Variants in ZNF831 observed in about 807,000 individuals in gnomAD.
The protein encoded by ZNF831 is zinc finger protein 831.
In ZNF831, 59 loss-of-function variants were observed where a neutral mutation model predicts 95.8. That is an observed-to-expected ratio of 0.62 (90% CI 0.50 to 0.77). The LOEUF (loss-of-function observed/expected upper bound fraction) is 0.77. Ranked by LOEUF, ZNF831 falls within the 30% of genes least tolerant of loss-of-function variation. The probability of loss-of-function intolerance (pLI) is 0.00; values close to 1 mark genes in which losing one functional copy is unlikely to be tolerated. For synonymous variants in ZNF831, 961 were observed against 925.5 expected (o/e 1.04, Z -0.70); for missense variants, 2,205 against 2,164.0 (o/e 1.02, Z -0.38).
intron 4 of ZNF831, among the ~76,000 whole-genome samples, chr20:59,211,049 G>GA (rs529852271): frequency 0.049 from 2,961 of 60,728 alleles, 300 homozygotes; most frequent in South Asian, 0.13. Flanking sequence ...CAAAAAAAAA[G>GA]AAAAAAAAAA....
intron 4 of ZNF831, among the ~76,000 whole-genome samples, chr20:59,216,273 A>T (rs1488445727): frequency 6.6e-6 from 1 of 152,156 alleles, no homozygotes; most frequent in Admixed American, 6.5e-5. Flanking sequence ...TAAACCACTG[A>T]ACCAATTCAG....
At chr20:59,162,182 C>T (rs574868685), upstream of ZNF831, among the ~76,000 whole-genome samples, 12 of 152,144 alleles carry the variant, frequency 7.9e-5, no homozygotes, top group Non-Finnish European at 1.5e-4. Context: ...GTTTGCAAAT[C>T]GTTTCTCCCA....
chr20:59,194,864 C>T, intron 2 of ZNF831, 107 bp downstream of exon 2: 1 of 1,397,520 alleles, frequency 7.2e-7, no homozygotes. Context: ...GTAGCATCTG[C>T]TGTTCACTGC....
intron 4 of ZNF831, among the ~76,000 whole-genome samples, chr20:59,222,946 C>T (rs1986191479): frequency 6.6e-6 from 1 of 152,158 alleles, no homozygotes; most frequent in Admixed American, 6.5e-5. Flanking sequence ...TTCTGCAAAT[C>T]GGCTGGGACC....
In ZNF831 at chr20:59,254,572, C is replaced by A. The variant is rs1230993526; in HGVS notation, c.4863C>A (p.Ile1621=). The A allele has an allele frequency of 1.2e-6, 2 of 1,614,054 alleles. No individual in the cohort carries two copies. Among genetic ancestry groups the A allele is most frequent in the Admixed American group, 3.3e-5 (2 of 60,014 alleles). ...GGAAACGTCAGGTATCTGGATTAAT[C>A]ACTCGGAAAGATTCTGTGGTTCCTT... ...DGRKRQVSGL[I]TRKDSVVPSK... Residue 1621 remains isoleucine (I), a synonymous_variant, in exon 6 of 6, where the codon ATC becomes ATA. Transcript: ENST00000371030. This position sits in a 1 kb window ranked among gnomAD's most constrained non-coding sequence, Gnocchi z 4.5.
chr20:59,221,001 A>T (rs1986037577), intron 4 of ZNF831, among the ~76,000 whole-genome samples: 1 of 152,220 alleles, frequency 6.6e-6, no homozygotes, highest in Non-Finnish European at 1.5e-5. Flanking sequence ...CAAGAACCCC[A>T]TGAAGCCTGT....
rs2146559125 is a variant in ZNF831, at chr20:59,192,066, C to T, written c.1047C>T (p.Arg349=). ...GCACCGACTCGGGGTACCTGTCGCG[C>T]TCCGACAGCGCGGAGCAGCCGCATG... ...CESTDSGYLS[R]SDSAEQPHAP... Residue 349 remains arginine, a synonymous_variant, in exon 2 of 6, where the codon CGC becomes CGT. Coordinates refer to ENST00000371030, the MANE Select transcript of ZNF831 (RefSeq NM_178457.3). This position sits in a 1 kb window ranked among gnomAD's most constrained non-coding sequence, Gnocchi z 5.2. 6.2e-7 allele frequency: 1 copy of T among 1,606,610 alleles called. No homozygotes were observed. The highest frequency in any genetic ancestry group is 8.5e-7 in the Non-Finnish European group (1 of 1,178,888).
chr20:59,192,682 A>C lies in ZNF831; in HGVS notation c.1663A>C (p.Ser555Arg). The C allele has an allele frequency of 6.4e-7, 1 of 1,563,654 alleles. No individual in the cohort carries two copies. Among genetic ancestry groups the C allele is most frequent in the East Asian group, 2.3e-5 (1 of 43,632 alleles). Reference sequence around the variant, plus strand: ...GGGACTAAGCTCGACTGACGTTCCCAGTGGGCATCCCCGGGCCCTGGTCAG... The same window carrying C: ...GGGACTAAGCTCGACTGACGTTCCCCGTGGGCATCCCCGGGCCCTGGTCAG... ...RSGLSSTDVP[S>R]GHPRALVRQA... The change falls in exon 2 of 6, where the codon AGT becomes CGT. Residue 555 changes from serine (S) to arginine (R), a missense_variant. Transcript: ENST00000371030. This position sits in a 1 kb window ranked among gnomAD's most constrained non-coding sequence, Gnocchi z 5.2.
intron 4 of ZNF831, among the ~76,000 whole-genome samples, chr20:59,227,937 C>T (rs1274370056): frequency 6.6e-6 from 1 of 152,200 alleles, no homozygotes; most frequent in Non-Finnish European, 1.5e-5. Flanking sequence ...GGAAGTTTGA[C>T]TCCAGACCCT....
chr20:59,196,904 G>A (rs867548421), intron 3 of ZNF831, among the ~76,000 whole-genome samples: 32 of 151,848 alleles, frequency 2.1e-4, no homozygotes, highest in African/African-American at 7.7e-4. Context: ...AGCCTCCTGA[G>A]TAGCTGGGAT....
chr20:59,218,944 T>C (rs111311965), intron 4 of ZNF831, among the ~76,000 whole-genome samples: 6,757 of 151,722 alleles, frequency 0.045, 531 homozygotes, highest in African/African-American at 0.16. Flanking sequence ...ACCCAGGAGG[T>C]GGAGGTTGCA....
Position 59,253,865 on chromosome 20 carries a change from C to CT in ZNF831, c.4189-33_4189-32insT, listed in dbSNP as rs763771255. 7.1e-6 allele frequency: 8 copies of CT among 1,131,646 alleles called. 1 individual carries two copies. The highest frequency in any genetic ancestry group is 4.1e-5 in the East Asian group (1 of 24,610). The allele number at this position is 1,131,646 out of a possible 1,614,324, so 70.1% of individuals were successfully genotyped here. On this transcript the variant is annotated intron_variant, in intron 5 of 5. Transcript: ENST00000371030. Reference sequence around the variant, plus strand: ...TTCTTTGTACCAATTAACCTCCCCCCCCACTTTTTTTTTCCTTTGCACTTT... The same window carrying CT: ...TTCTTTGTACCAATTAACCTCCCCCCTCCACTTTTTTTTTCCTTTGCACTTT...
rs763154978 is a variant in ZNF831 at position 59,191,141 on chromosome 20, T to C, written c.122T>C (p.Leu41Pro). 2 of 1,600,810 alleles carry C rather than the reference T, an allele frequency of 1.2e-6. No homozygotes were observed. Among genetic ancestry groups the C allele is most frequent in the Non-Finnish European group, 1.7e-6 (2 of 1,177,942 alleles). Residue 41 changes from leucine (L) to proline (P), a missense_variant, in exon 2 of 6, where the codon CTT becomes CCT. Leu to Pro is a moderately conservative substitution (Grantham distance 98). Coordinates refer to ENST00000371030, the MANE Select transcript of ZNF831 (RefSeq NM_178457.3). ...ASPHLTLGPV[L>P]LPPEQGLAPP... ...CCTCACCTGACCCTGGGCCCTGTCC[T>C]TCTGCCGCCAGAGCAGGGCCTGGCC... is the stretch of plus-strand genomic sequence containing the variant.
chr20:59,168,771 A>G (rs895754482), intron 1 of ZNF831, among the ~76,000 whole-genome samples: 2 of 152,034 alleles, frequency 1.3e-5, no homozygotes, highest in African/African-American at 2.4e-5. Context: ...GTCTATTTCT[A>G]TTTTCCAACG....
chr20:59,187,429 T>A (rs936063733), intron 1 of ZNF831, among the ~76,000 whole-genome samples: 1 of 152,160 alleles, frequency 6.6e-6, no homozygotes, highest in Non-Finnish European at 1.5e-5. Flanking sequence ...ATGCAGGCCC[T>A]CACCAGGCAC....
At chr20:59,207,758 C>A (rs1281583252) in intron 4 of ZNF831, among the ~76,000 whole-genome samples, 1 of 152,140 alleles carries the variant, frequency 6.6e-6, no homozygotes, top group African/African-American at 2.4e-5. Context: ...AAAATGAATA[C>A]CCTGTGGGAA....
chr20:59,258,316 A>C lies in ZNF831; in HGVS notation c.*3573A>C, dbSNP rs758407486. On this transcript the variant is annotated 3_prime_UTR_variant, in exon 6 of 6. Transcript: ENST00000371030. Reference sequence around the variant, plus strand: ...TGAGACCGGAAGAGGAACCTTGCAGAAGTGCACTGTGACCACAGTTCTTGG... The same window carrying C: ...TGAGACCGGAAGAGGAACCTTGCAGCAGTGCACTGTGACCACAGTTCTTGG... 1 of 152,644 alleles carries C rather than the reference A, an allele frequency of 6.6e-6. No individual in the cohort carries two copies. Among genetic ancestry groups the C allele is most frequent in the Non-Finnish European group, 1.5e-5 (1 of 68,044 alleles). The allele number at this position is 152,644 out of a possible 1,614,324, so 9.5% of individuals were successfully genotyped here.
chr20:59,173,738 C>T (rs1304680728), intron 1 of ZNF831, among the ~76,000 whole-genome samples: 1 of 152,200 alleles, frequency 6.6e-6, no homozygotes, highest in African/African-American at 2.4e-5. Flanking sequence ...TTAGGGATCT[C>T]TTGGGACCAT....
intron 4 of ZNF831, among the ~76,000 whole-genome samples, chr20:59,222,806 C>T (rs1480509507): frequency 6.6e-6 from 1 of 152,204 alleles, no homozygotes; most frequent in Non-Finnish European, 1.5e-5. Flanking sequence ...ATCAGGGGCA[C>T]CTGCTCTGAA....
Sources: gnomAD v4.1 joint callset for allele counts (sites outside exome capture counted in the v4.1 genomes callset) on GRCh38, gnomAD v4.1.1 for gene constraint, Gnocchi (gnomAD v3.1) non-coding constraint, MANE v1.5 for transcripts, NCBI Gene and HGNC (gene_info 2026-07-23, HGNC 2026-07-21) for gene names.